BACH2: variants seen among roughly 807,000 people sequenced by gnomAD.
The protein encoded by BACH2 is BACH transcriptional regulator 2, also known as transcription regulator protein BACH2.
BACH2 carries 5 observed loss-of-function variants against 61.8 expected under a neutral mutation model. The ratio of observed to expected loss-of-function variants is 0.08; its 90% CI spans 0.04 to 0.17. BACH2 has a LOEUF of 0.17. Among genes scored for constraint, BACH2 ranks in the 10% least tolerant of loss-of-function variants. The pLI, the probability that BACH2 is intolerant of heterozygous loss-of-function variation, is 1.00. For synonymous variants in BACH2, 446 were observed against 440.1 expected, an observed-to-expected ratio of 1.01 and a Z score of -0.17; for missense variants, 824 against 1,091.1, an observed-to-expected ratio of 0.76 and a Z score of 3.45.
intron 7 of BACH2, among the ~76,000 whole-genome samples, chr6:89,946,770 A>T (rs969408160): frequency 6.6e-6 from 1 of 152,210 alleles, no homozygotes; most frequent in Non-Finnish European, 1.5e-5. Flanking sequence ...TGTTGTAGGC[A>T]AAGAGAAAGC....
intron 4 of BACH2, among the ~76,000 whole-genome samples, chr6:90,140,491 A>G (rs1230797130): frequency 6.6e-6 from 1 of 152,238 alleles, no homozygotes; most frequent in Non-Finnish European, 1.5e-5. Flanking sequence ...AGATTTTTCC[A>G]CCTCAAAAGA....
intron 3 of BACH2, among the ~76,000 whole-genome samples, chr6:90,246,908 A>T (rs888936427): frequency 2.0e-5 from 3 of 152,220 alleles, no homozygotes; most frequent in African/African-American, 7.2e-5. Flanking sequence ...GAAGTATTCA[A>T]AAGAAACCTG....
chr6:90,228,048 AATCT>A (rs1769973340), intron 3 of BACH2, among the ~76,000 whole-genome samples: 1 of 152,214 alleles, frequency 6.6e-6, no homozygotes, highest in African/African-American at 2.4e-5. Context: ...TCTGTTTAAA[AATCT>A]ATTTAAGACT....
rs367970519 is a variant in BACH2 at position 90,058,865 on chromosome 6, A to C, written c.-13+30096T>G. On this transcript the variant is annotated intron_variant, in intron 5 of 8. Transcript: ENST00000257749. Reference sequence around the variant, plus strand: ...CTTTGACAAACCTGACAAAAACAAGAAATGGGGAAAGGATTCCCTATTTAA... The same window carrying C: ...CTTTGACAAACCTGACAAAAACAAGCAATGGGGAAAGGATTCCCTATTTAA... 9.8e-3 allele frequency among the ~76,000 whole-genome samples: 1,292 copies of C among 132,242 alleles called. 52 individuals carry two copies. The East Asian group carries it at 0.19, about 20-fold the overall frequency. 86.8% of individuals were successfully genotyped at this position (132,242 alleles called of 152,430 possible).
chr6:90,152,488 GGTAAATT>G (rs1349979506), intron 4 of BACH2, among the ~76,000 whole-genome samples: 3 of 152,018 alleles, frequency 2.0e-5, no homozygotes, highest in Non-Finnish European at 1.5e-5. Context: ...CCAAAATATG[GGTAAATT>G]CCACAGGATG....
intron 6 of BACH2, among the ~76,000 whole-genome samples, chr6:89,968,509 T>G (rs985192908): frequency 2.0e-5 from 3 of 152,240 alleles, no homozygotes; most frequent in Admixed American, 6.5e-5. Flanking sequence ...AGTCCACGTT[T>G]TCATGCTAGT....
At chr6:90,165,196 G>A (rs991849139) in intron 4 of BACH2, among the ~76,000 whole-genome samples, 5 of 152,164 alleles carry the variant, frequency 3.3e-5, no homozygotes, top group African/African-American at 1.2e-4. Context: ...TCCTTAAGCT[G>A]ATAAGCAACT....
At chr6:90,181,898 CT>C (rs138064462) in intron 4 of BACH2, among the ~76,000 whole-genome samples, 2,667 of 152,266 alleles carry the variant, frequency 0.018, 48 homozygotes, top group East Asian at 0.07. Flanking sequence ...CTAGGTCTCT[CT>C]GACTCTGCAG....
intron 5 of BACH2, among the ~76,000 whole-genome samples, chr6:90,043,668 A>G (rs939649935): frequency 1.3e-5 from 2 of 152,210 alleles, no homozygotes; most frequent in South Asian, 4.1e-4. Context: ...CCTTTGTCCT[A>G]TCACAGCTCC....
chr6:90,012,904 T>A (rs1170991354), intron 5 of BACH2, among the ~76,000 whole-genome samples: 1 of 152,100 alleles, frequency 6.6e-6, no homozygotes, highest in African/African-American at 2.4e-5. Flanking sequence ...TGGTCTCTCC[T>A]CGGCCTCCCA....
intron 4 of BACH2, among the ~76,000 whole-genome samples, chr6:90,128,773 TG>T (rs766428226): frequency 5.0e-4 from 76 of 152,350 alleles, no homozygotes; most frequent in Middle Eastern, 6.8e-3. Flanking sequence ...ATATGTTTAT[TG>T]CAGTACTACT....
At chr6:90,134,036 A>G (rs371684498) in intron 4 of BACH2, among the ~76,000 whole-genome samples, 1 of 152,222 alleles carries the variant, frequency 6.6e-6, no homozygotes, top group Admixed American at 6.5e-5. Context: ...ATGATTTATA[A>G]TCCTTTGGGT....
chr6:90,265,292 A>G (rs1771287667), intron 2 of BACH2, among the ~76,000 whole-genome samples: 1 of 151,794 alleles, frequency 6.6e-6, no homozygotes, highest in African/African-American at 2.4e-5. Context: ...TCTAAAATAG[A>G]ATTTCTAAAT....
intron 1 of BACH2, among the ~76,000 whole-genome samples, chr6:90,287,742 C>A (rs1044220712): frequency 2.0e-5 from 3 of 152,154 alleles, no homozygotes; most frequent in Non-Finnish European, 4.4e-5. Context: ...TACCAGTGTG[C>A]GAAATTCTAT....
intron 6 of BACH2, among the ~76,000 whole-genome samples, chr6:89,975,522 A>G (rs1272595443): frequency 6.6e-6 from 1 of 152,098 alleles, no homozygotes; most frequent in African/African-American, 2.4e-5. Context: ...AGTTACCTTC[A>G]TATTCACTTG....
chr6:90,054,711 G>T (rs1780237110), intron 5 of BACH2, among the ~76,000 whole-genome samples: 1 of 152,186 alleles, frequency 6.6e-6, no homozygotes. Flanking sequence ...AGCCTAACTG[G>T]GAGGCACCCC....
At chr6:90,070,119 T>C (rs1259679518) in intron 5 of BACH2, among the ~76,000 whole-genome samples, 1 of 152,178 alleles carries the variant, frequency 6.6e-6, no homozygotes, top group Non-Finnish European at 1.5e-5. Context: ...TTATGTCCAT[T>C]GTACTGGTGA....
chr6:90,050,416 C>CTAT (rs1330705268), intron 5 of BACH2, among the ~76,000 whole-genome samples: 9 of 152,104 alleles, frequency 5.9e-5, no homozygotes, highest in Non-Finnish European at 1.2e-4. Context: ...TTTGAAAAAC[C>CTAT]TATTAACTCT....
At position 90,089,676 on chromosome 6, in the gene BACH2, T is replaced by A. The variant is rs148457597; in HGVS notation, c.-161-567A>T. On this transcript the variant is annotated intron_variant, in intron 4 of 8. Transcript: ENST00000257749. ...AGAAAAATAAAGAAAAAAATAAAGA[T>A]CAATGGTAACCTTGACACCGATAAA... Among the ~76,000 whole-genome samples the A allele has an allele frequency of 1.5e-4, 23 of 152,254 alleles. No homozygotes were observed. The East Asian group carries it at 4.4e-3, about 29-fold the overall frequency.
Sources: allele counts gnomAD v4.1 joint callset (sites outside exome capture counted in the v4.1 genomes callset), GRCh38; gene constraint gnomAD v4.1.1; transcripts MANE v1.5; gene names NCBI Gene and HGNC (gene_info 2026-07-23, HGNC 2026-07-21).